The following PTPRM variants were observed in gnomAD, a reference collection of about 807,000 sequenced individuals.
PTPRM encodes receptor-type tyrosine-protein phosphatase mu.
In PTPRM, 47 loss-of-function variants were observed where a neutral mutation model predicts 186.7. The ratio of observed to expected loss-of-function variants is 0.25; its 90% CI spans 0.20 to 0.32. The LOEUF is 0.32. Ranked by LOEUF, PTPRM falls within the 10% of genes least tolerant of loss-of-function variation. The probability of loss-of-function intolerance (pLI) is 1.00; values close to 1 mark genes in which losing one functional copy is unlikely to be tolerated. For synonymous variants in PTPRM, 668 were observed against 674.9 expected (o/e 0.99, Z 0.16); for missense variants, 1,494 against 1,865.0 (o/e 0.80, Z 3.66).
intron 22 of PTPRM, among the ~76,000 whole-genome samples, chr18:8,329,113 C>T (rs1190186050): frequency 6.6e-6 from 1 of 152,190 alleles, no homozygotes; most frequent in Non-Finnish European, 1.5e-5. Flanking sequence ...AGCAAGCACT[C>T]AGATTTAAGG....
chr18:8,123,983 C>T (rs1469145527), intron 13 of PTPRM, among the ~76,000 whole-genome samples: 1 of 152,144 alleles, frequency 6.6e-6, no homozygotes, highest in Non-Finnish European at 1.5e-5. Context: ...ATGAAGTAAG[C>T]GAGGCTTCTG....
Position 7,635,463 on chromosome 18 carries a change from T to C in PTPRM, c.73+67572T>C, listed in dbSNP as rs561943927. 3.9e-5 allele frequency among the ~76,000 whole-genome samples: 6 copies of C among 152,326 alleles called. No homozygotes were observed. In the East Asian group the frequency reaches 1.2e-3, roughly 29 times the overall value. ...ACCCAATAAATATTAGCTTCTATTA[T>C]TCATAAAGAAGTGACCTTCTCTTTT... is the stretch of plus-strand genomic sequence containing the variant. On this transcript the variant is annotated intron_variant, in intron 1 of 32. Transcript: ENST00000580170.
At chr18:7,759,651 A>G (rs963347826) in intron 1 of PTPRM, among the ~76,000 whole-genome samples, 1 of 152,216 alleles carries the variant, frequency 6.6e-6, no homozygotes, top group Non-Finnish European at 1.5e-5. Context: ...TCTAATATCT[A>G]GTTATCCTTA....
At chr18:8,159,950 C>T (rs1373824058) in intron 14 of PTPRM, among the ~76,000 whole-genome samples, 1 of 151,384 alleles carries the variant, frequency 6.6e-6, no homozygotes, top group African/African-American at 2.4e-5. Context: ...GACAGACTCC[C>T]TACGTGTAGT....
intron 23 of PTPRM, 90 bp downstream of exon 23, chr18:8,343,610 A>G: frequency 8.9e-7 from 1 of 1,125,126 alleles, no homozygotes; most frequent in Non-Finnish European, 1.3e-6. Context: ...TTGAACTATT[A>G]TGTGTACTCC....
At chr18:8,075,462 G>T (rs1013701041) in intron 8 of PTPRM, among the ~76,000 whole-genome samples, 1 of 151,894 alleles carries the variant, frequency 6.6e-6, no homozygotes, top group Admixed American at 6.6e-5. Context: ...TTATAAACAG[G>T]ATAGCTATTT....
intron 11 of PTPRM, among the ~76,000 whole-genome samples, chr18:8,090,828 C>T (rs2090679008): frequency 6.6e-6 from 1 of 152,164 alleles, no homozygotes; most frequent in South Asian, 2.1e-4. Flanking sequence ...CTCCTGACCT[C>T]AGGTGATCTG....
chr18:7,964,805 G>C (rs1055700652), intron 7 of PTPRM, among the ~76,000 whole-genome samples: 17 of 152,068 alleles, frequency 1.1e-4, no homozygotes, highest in African/African-American at 3.9e-4. Context: ...CTGGAACCTG[G>C]GAAAACTTTT....
chr18:7,985,534 TA>T (rs1169666787), intron 7 of PTPRM, among the ~76,000 whole-genome samples: 43 of 138,724 alleles, frequency 3.1e-4, no homozygotes, highest in Non-Finnish European at 5.2e-4. Context: ...GATACGTATA[TA>T]AATATATACA....
chr18:7,768,392 C>T (rs1448702857), intron 1 of PTPRM, among the ~76,000 whole-genome samples: 1 of 152,044 alleles, frequency 6.6e-6, no homozygotes, highest in Non-Finnish European at 1.5e-5. Flanking sequence ...ACTCTGGAGG[C>T]TGAGGTGGGA....
At chr18:8,169,310 A>T (rs1344372917) in intron 14 of PTPRM, among the ~76,000 whole-genome samples, 1 of 151,884 alleles carries the variant, frequency 6.6e-6, no homozygotes, top group Non-Finnish European at 1.5e-5. Flanking sequence ...CTGCCCAAAA[A>T]GTTACATCTT....
chr18:7,650,230 A>G (rs1484874597), intron 1 of PTPRM, among the ~76,000 whole-genome samples: 3 of 152,150 alleles, frequency 2.0e-5, no homozygotes, highest in African/African-American at 4.8e-5. Flanking sequence ...CCCTGGAACC[A>G]ATCCTTGCAG....
At chr18:8,248,100 T>G in intron 16 of PTPRM, 50 bp from the exon 17 acceptor site, 1 of 1,504,448 alleles carries the variant, frequency 6.6e-7, no homozygotes, top group Non-Finnish European at 9.3e-7. Flanking sequence ...CATTTACTGT[T>G]CTTTCTCTTT....
chr18:8,340,124 T>C (rs375058297), intron 22 of PTPRM, among the ~76,000 whole-genome samples: 56 of 152,276 alleles, frequency 3.7e-4, no homozygotes, highest in African/African-American at 1.3e-3. Context: ...GAGGGAGCCA[T>C]GCGTGTGGCA....
intron 22 of PTPRM, among the ~76,000 whole-genome samples, chr18:8,327,507 C>T (rs2095384999): frequency 6.6e-6 from 1 of 152,110 alleles, no homozygotes; most frequent in Non-Finnish European, 1.5e-5. Flanking sequence ...AGTGAGTTGG[C>T]ATAAAACATA....
intron 19 of PTPRM, among the ~76,000 whole-genome samples, chr18:8,288,879 C>T (rs944793843): frequency 3.1e-4 from 47 of 152,306 alleles, no homozygotes; most frequent in African/African-American, 1.1e-3. Context: ...TTCATACTCA[C>T]ATCACCAGGA....
intron 17 of PTPRM, among the ~76,000 whole-genome samples, chr18:8,250,742 TA>T (rs2094520741): frequency 6.7e-6 from 1 of 148,670 alleles, no homozygotes; most frequent in Non-Finnish European, 1.5e-5. Context: ...TGAGCTATGA[TA>T]GAGCCACTGC....
chr18:8,088,952 C>A, intron 11 of PTPRM, 101 bp downstream of exon 11: 3 of 887,860 alleles, frequency 3.4e-6, no homozygotes, highest in Non-Finnish European at 5.3e-6. Context: ...CAAATCTCAG[C>A]CAGCATGTAA....
chr18:7,630,166 A>G (rs2038157597), intron 1 of PTPRM, among the ~76,000 whole-genome samples: 2 of 152,120 alleles, frequency 1.3e-5, no homozygotes, highest in Non-Finnish European at 2.9e-5. Context: ...GAGAGGTCAG[A>G]TGGTTGAAGC....
Sources: gnomAD v4.1 joint callset for allele counts (sites outside exome capture counted in the v4.1 genomes callset) on GRCh38, gnomAD v4.1.1 for gene constraint, MANE v1.5 for transcripts, NCBI Gene and HGNC (gene_info 2026-07-23, HGNC 2026-07-21) for gene names.